PCNX2: variants seen among roughly 807,000 people sequenced by gnomAD.
PCNX2 encodes the protein pecanex 2.
In PCNX2, 168 loss-of-function variants were observed where a neutral mutation model predicts 223.8. The ratio of observed to expected loss-of-function variants is 0.75; its 90% CI spans 0.66 to 0.85. The LOEUF (loss-of-function observed/expected upper bound fraction) is 0.85, where lower values mean the gene tolerates loss of function less well. Among genes scored for constraint, PCNX2 ranks in the 40% least tolerant of loss-of-function variants. The probability of loss-of-function intolerance (pLI) is 0.00; values close to 1 mark genes in which losing one functional copy is unlikely to be tolerated. For missense variants in PCNX2, 2,507 were observed against 2,675.5 expected, an observed-to-expected ratio of 0.94 and a Z score of 1.39; for synonymous variants, 1,006 against 1,052.6, an observed-to-expected ratio of 0.96 and a Z score of 0.86.
At chr1:233,312,594 G>A in the PCNX2 span, among the ~76,000 whole-genome samples, 8 of 152,114 alleles carry the variant, frequency 5.3e-5, no homozygotes, top group East Asian at 1.9e-4. Flanking sequence ...TAAACAAGAC[G>A]AAAAACCCTT....
intron 19 of PCNX2, among the ~76,000 whole-genome samples, chr1:233,143,486 T>A (rs556023184): frequency 2.6e-5 from 4 of 152,194 alleles, no homozygotes; most frequent in Non-Finnish European, 5.9e-5. Flanking sequence ...AGTACCAGCA[T>A]CCCCTAGGAA....
At chr1:233,315,825 A>T in the PCNX2 span, among the ~76,000 whole-genome samples, 3,907 of 152,260 alleles carry the variant, frequency 0.026, 79 homozygotes, top group Middle Eastern at 0.13. Flanking sequence ...TTAAAAAAAA[A>T]ATCTTTGTCC....
chr1:233,070,736 TCTATAAAAAC>T (rs776260076), intron 23 of PCNX2, among the ~76,000 whole-genome samples: 3 of 151,712 alleles, frequency 2.0e-5, no homozygotes, highest in African/African-American at 4.8e-5. Flanking sequence ...ATAAAGATCA[TCTATAAAAAC>T]CTACAGCTGG....
chr1:233,160,435 T>G lies in PCNX2; in HGVS notation c.3367-2A>C. On this transcript the variant is annotated splice_acceptor_variant, in intron 18 of 33. Transcript: ENST00000258229. LOFTEE classifies it high-confidence loss of function. ...AAACAGCACGATGCTGAGAAATGGCTGCGATAAAAATGGGCAGAATCTCAT... is the reference window on the plus strand; with the variant it reads ...AAACAGCACGATGCTGAGAAATGGCGGCGATAAAAATGGGCAGAATCTCAT... The G allele has an allele frequency of 6.2e-7, 1 of 1,613,290 alleles. No individual in the cohort carries two copies. The highest frequency in any genetic ancestry group is 1.1e-5 in the South Asian group (1 of 91,056).
rs546076518 is a variant in PCNX2 at position 233,025,080 on chromosome 1, C to G, written c.4605+66G>C. 8 of 1,581,470 alleles carry G rather than the reference C, an allele frequency of 5.1e-6. No individual in the cohort carries two copies. In the African/African-American group the frequency reaches 5.4e-5, roughly 11 times the overall value. On this transcript the variant is annotated intron_variant, in intron 26 of 33. Transcript: ENST00000258229. ...CTTCAAAATTTAGCTTTCGACAGAG[C>G]TCTTTCGGAGCTTCCTGTGCCATCC...
At chr1:233,317,055 C>T in the PCNX2 span, among the ~76,000 whole-genome samples, 1 of 152,160 alleles carries the variant, frequency 6.6e-6, no homozygotes, top group Non-Finnish European at 1.5e-5. Context: ...CTGTTACAAA[C>T]CAAGTGAATA....
intron 19 of PCNX2, among the ~76,000 whole-genome samples, chr1:233,152,723 T>C (rs75243915): frequency 0.013 from 1,950 of 152,280 alleles, 26 homozygotes; most frequent in South Asian, 0.035. Flanking sequence ...ACCAACTGCC[T>C]AGCACAATGG....
the PCNX2 span, among the ~76,000 whole-genome samples, chr1:233,326,604 G>A: frequency 6.6e-6 from 1 of 152,164 alleles, no homozygotes; most frequent in African/African-American, 2.4e-5. Flanking sequence ...TGATCTGAGA[G>A]ACAAAGAAAA....
intron 21 of PCNX2, among the ~76,000 whole-genome samples, chr1:233,128,546 G>A (rs929161797): frequency 6.6e-6 from 1 of 152,094 alleles, no homozygotes; most frequent in Non-Finnish European, 1.5e-5. Flanking sequence ...TGTTGACCAG[G>A]CTGGTCTCAA....
At chr1:233,300,303 T>C (rs1662238225), upstream of PCNX2, among the ~76,000 whole-genome samples, 1 of 152,236 alleles carries the variant, frequency 6.6e-6, no homozygotes, top group Non-Finnish European at 1.5e-5. Context: ...CACCCAGTGT[T>C]AGCCATGATT....
chr1:233,169,582 T>G (rs1282697048), intron 17 of PCNX2, among the ~76,000 whole-genome samples: 2 of 149,000 alleles, frequency 1.3e-5, no homozygotes, highest in African/African-American at 4.9e-5. Context: ...GAGGCGGAGC[T>G]TGCAGTGAGT....
intron 23 of PCNX2, among the ~76,000 whole-genome samples, chr1:233,078,958 G>A (rs540251143): frequency 1.3e-5 from 2 of 152,254 alleles, no homozygotes; most frequent in Admixed American, 1.3e-4. Flanking sequence ...AGTGGGATGG[G>A]GTCAAGTTCA....
In PCNX2 at chr1:233,149,364, T is replaced by C. The variant is rs190717189; in HGVS notation, c.3518-9509A>G. Among the ~76,000 whole-genome samples, 428 of 152,314 alleles carry C rather than the reference T, an allele frequency of 2.8e-3. 1 individual carries two copies. The highest frequency in any genetic ancestry group is 9.5e-3 in the African/African-American group (395 of 41,558). On this transcript the variant is annotated intron_variant, in intron 19 of 33. Transcript: ENST00000258229. ...AAAATCCTCAGGATGTTTTCAGCTT[T>C]AGAAAGAAAATCTTCACCAATTCAA...
At chr1:233,262,233 A>G (rs767670124) in intron 2 of PCNX2, 68 bp from the exon 3 acceptor site, 2 of 1,573,176 alleles carry the variant, frequency 1.3e-6, no homozygotes, top group South Asian at 1.2e-5. Flanking sequence ...CTCTTTTAGT[A>G]CTAGTCTAAA....
chr1:232,999,364 C>T lies in PCNX2; in HGVS notation c.5344G>A (p.Val1782Ile), dbSNP rs1183609426. 30 of 1,595,234 alleles carry T rather than the reference C, an allele frequency of 1.9e-5. No homozygotes were observed. Among genetic ancestry groups the T allele is most frequent in the East Asian group, 9.1e-5 (4 of 44,162 alleles). Residue 1782 changes from valine to isoleucine, a missense_variant, in exon 31 of 34, where the codon GTC becomes ATC. Val to Ile is a conservative substitution (Grantham distance 29). This residue lies in a region of PCNX2 where 1,372 missense variants were observed against 1,509.4 expected (regional missense o/e 0.91). Coordinates refer to ENST00000258229, the MANE Select transcript of PCNX2 (RefSeq NM_014801.4). ...FKVIKVNKEC[V>I]RGLWAGQQQE... is the part of the protein sequence containing the mutation. ...TGCTGCCCGGCCCAAAGTCCTCGGA[C>T]GCATTCTTTGTTAACCTGCAGGTCA...
At chr1:233,188,132 G>A (rs1318762850) in intron 15 of PCNX2, among the ~76,000 whole-genome samples, 1 of 152,180 alleles carries the variant, frequency 6.6e-6, no homozygotes, top group Non-Finnish European at 1.5e-5. Context: ...CTTGAGCAGA[G>A]TGTGGCTGCG....
chr1:233,057,130 A>T, intron 24 of PCNX2, 102 bp downstream of exon 24: 1 of 1,003,588 alleles, frequency 1.0e-6, no homozygotes, highest in South Asian at 1.6e-5. Context: ...TAAGATGTGC[A>T]TTGTCTCCAC....
chr1:233,117,922 A>C (rs998008651), intron 21 of PCNX2, among the ~76,000 whole-genome samples: 120 of 149,160 alleles, frequency 8.0e-4, no homozygotes, highest in Non-Finnish European at 1.3e-3. Flanking sequence ...AGGCAGGAGA[A>C]TGGCGTGAAC....
At chr1:233,013,214 C>T (rs923825289) in intron 28 of PCNX2, among the ~76,000 whole-genome samples, 5 of 152,172 alleles carry the variant, frequency 3.3e-5, no homozygotes, top group African/African-American at 4.8e-5. Context: ...TGGTATTTCT[C>T]ACCTGTAAAA....
Sources: gnomAD v4.1 joint callset for allele counts (sites outside exome capture counted in the v4.1 genomes callset) on GRCh38, gnomAD v4.1.1 for gene constraint, gnomAD v4.1.1 regional missense constraint, MANE v1.5 for transcripts, NCBI Gene and HGNC (gene_info 2026-07-23, HGNC 2026-07-21) for gene names.